CNTN4: variants seen among roughly 807,000 people sequenced by gnomAD.
CNTN4 encodes the protein contactin 4, also known as contactin-4.
In CNTN4, 77 loss-of-function variants were observed where a neutral mutation model predicts 122.5. The observed-to-expected ratio is 0.63, with a 90% CI of 0.52 to 0.76. The LOEUF (loss-of-function observed/expected upper bound fraction) is 0.76, where lower values mean the gene tolerates loss of function less well. Ranked by LOEUF, CNTN4 falls within the 30% of genes least tolerant of loss-of-function variation. CNTN4 has a pLI of 0.00. For synonymous variants in CNTN4, 512 were observed against 447.0 expected, an observed-to-expected ratio of 1.15 and a Z score of -1.83; for missense variants, 1,256 against 1,259.1, an observed-to-expected ratio of 1.00 and a Z score of 0.04.
chr3:2,187,040 T>G (rs183664055), intron 2 of CNTN4, among the ~76,000 whole-genome samples: 1 of 152,296 alleles, frequency 6.6e-6, no homozygotes, highest in East Asian at 1.9e-4. Context: ...GGTTTTCTTC[T>G]AAGGTTTTTT....
chr3:2,591,864 G>C (rs2149668157), intron 4 of CNTN4, among the ~76,000 whole-genome samples: 1 of 152,132 alleles, frequency 6.6e-6, no homozygotes, highest in Admixed American at 6.5e-5. Context: ...ATCATTGAAA[G>C]GTTTTTATTT....
chr3:3,002,339 C>G (rs1332540866), intron 14 of CNTN4, among the ~76,000 whole-genome samples: 8 of 152,120 alleles, frequency 5.3e-5, no homozygotes, highest in Admixed American at 5.2e-4. Flanking sequence ...CCATAAAATA[C>G]CGACAAAGTA....
chr3:2,677,577 G>T (rs947498910), intron 4 of CNTN4, among the ~76,000 whole-genome samples: 23 of 151,782 alleles, frequency 1.5e-4, no homozygotes, highest in African/African-American at 5.3e-4. Context: ...GGAGCTTTAG[G>T]ATGTCTGGAA....
intron 3 of CNTN4, among the ~76,000 whole-genome samples, chr3:2,472,202 A>G (rs2075706364): frequency 6.6e-6 from 1 of 151,836 alleles, no homozygotes; most frequent in African/African-American, 2.4e-5. Context: ...TGATAAATCA[A>G]AGACAAGTGC....
intron 4 of CNTN4, among the ~76,000 whole-genome samples, chr3:2,723,437 A>T (rs1436305110): frequency 6.6e-6 from 1 of 152,172 alleles, no homozygotes; most frequent in Non-Finnish European, 1.5e-5. Context: ...TATTCTGGAG[A>T]CTGGAGAGTC....
At chr3:2,130,593 C>T (rs1173855221) in intron 2 of CNTN4, among the ~76,000 whole-genome samples, 1 of 152,062 alleles carries the variant, frequency 6.6e-6, no homozygotes, top group Non-Finnish European at 1.5e-5. Flanking sequence ...CACAATTTGC[C>T]TATATAAGCA....
At chr3:2,987,877 A>G (rs1694720837) in intron 13 of CNTN4, among the ~76,000 whole-genome samples, 1 of 152,202 alleles carries the variant, frequency 6.6e-6, no homozygotes, top group South Asian at 2.1e-4. Context: ...GACATATTTC[A>G]GAAATAAATA....
intron 4 of CNTN4, among the ~76,000 whole-genome samples, chr3:2,672,994 G>C (rs897506537): frequency 2.6e-5 from 4 of 152,142 alleles, no homozygotes; most frequent in African/African-American, 9.7e-5. Context: ...GATATTCAAA[G>C]TACAATGACA....
At chr3:2,411,073 G>A (rs2047209545) in intron 3 of CNTN4, among the ~76,000 whole-genome samples, 1 of 152,142 alleles carries the variant, frequency 6.6e-6, no homozygotes, top group Admixed American at 6.5e-5. Flanking sequence ...TGGTTATTAT[G>A]TAGTTTACTT....
chr3:2,225,535 CAA>C (rs1314738640), intron 2 of CNTN4, among the ~76,000 whole-genome samples: 1 of 151,698 alleles, frequency 6.6e-6, no homozygotes. Context: ...AAACAAAAAA[CAA>C]AAACAAACAA....
chr3:2,564,787 A>G (rs1218711183), intron 3 of CNTN4, among the ~76,000 whole-genome samples: 1 of 152,162 alleles, frequency 6.6e-6, no homozygotes, highest in Non-Finnish European at 1.5e-5. Flanking sequence ...AAGGTTTTCT[A>G]TAAGGGGAAA....
intron 4 of CNTN4, among the ~76,000 whole-genome samples, chr3:2,588,447 A>C (rs1366336365): frequency 6.6e-6 from 1 of 150,674 alleles, no homozygotes; most frequent in African/African-American, 2.4e-5. Flanking sequence ...GCTCACTGCA[A>C]CCTCTGCCTC....
chr3:2,534,325 G>T (rs184431558), intron 3 of CNTN4, among the ~76,000 whole-genome samples: 9 of 152,160 alleles, frequency 5.9e-5, no homozygotes, highest in Admixed American at 5.9e-4. Flanking sequence ...TCTACATATG[G>T]CTAGCCAGTT....
intron 4 of CNTN4, among the ~76,000 whole-genome samples, chr3:2,598,779 A>G (rs149774351): frequency 6.4e-4 from 98 of 152,288 alleles, no homozygotes; most frequent in African/African-American, 2.3e-3. Context: ...ATGTAGAGCC[A>G]TTGTATTTGT....
chr3:2,387,382 T>G (rs2046291201), intron 3 of CNTN4, among the ~76,000 whole-genome samples: 1 of 142,338 alleles, frequency 7.0e-6, no homozygotes, highest in South Asian at 2.2e-4. Context: ...AAAGAACATT[T>G]AAAAAATAAG....
chr3:2,313,777 A>G (rs1437957925), intron 2 of CNTN4, among the ~76,000 whole-genome samples: 2 of 152,020 alleles, frequency 1.3e-5, no homozygotes, highest in African/African-American at 4.8e-5. Flanking sequence ...ACCTAAGACA[A>G]TATAGTACTT....
At chr3:2,815,031 GC>G (rs2092695875) in intron 6 of CNTN4, among the ~76,000 whole-genome samples, 1 of 152,096 alleles carries the variant, frequency 6.6e-6, no homozygotes, top group Non-Finnish European at 1.5e-5. Context: ...AAGTACCAAG[GC>G]TTTGGAGATA....
chr3:2,553,615 A>G (rs1391676764), intron 3 of CNTN4, among the ~76,000 whole-genome samples: 1 of 152,164 alleles, frequency 6.6e-6, no homozygotes, highest in Admixed American at 6.6e-5. Context: ...AAAGGACCAG[A>G]GCTAGAAACC....
At chr3:2,422,134 C>G (rs978148325) in intron 3 of CNTN4, among the ~76,000 whole-genome samples, 1 of 152,186 alleles carries the variant, frequency 6.6e-6, no homozygotes, top group Non-Finnish European at 1.5e-5. Flanking sequence ...TGAAGTTGTA[C>G]AGAATTAGAG....
Sources: allele counts gnomAD v4.1 joint callset (sites outside exome capture counted in the v4.1 genomes callset), GRCh38; gene constraint gnomAD v4.1.1; transcripts MANE v1.5; gene names NCBI Gene and HGNC (gene_info 2026-07-23, HGNC 2026-07-21).